The following DLG4 variants were observed in gnomAD, a reference collection of about 807,000 sequenced individuals.
DLG4 encodes disks large homolog 4.
In DLG4, 7 loss-of-function variants were observed where a neutral mutation model predicts 93.8. That is an observed-to-expected ratio of 0.07 (90% confidence interval 0.04 to 0.14). The LOEUF is 0.14. Ranked by LOEUF, DLG4 falls within the 10% of genes least tolerant of loss-of-function variation. The pLI is 1.00. For missense variants in DLG4, 545 were observed against 992.9 expected (o/e 0.55, Z 6.06); for synonymous variants, 341 against 387.6 (o/e 0.88, Z 1.41).
chr17:7,219,534 G>T (rs899922240), upstream of DLG4: 34 of 1,078,266 alleles, frequency 3.2e-5, no homozygotes, highest in Non-Finnish European at 3.7e-5. Context: ...GGCCGAGATA[G>T]ATTTCATCAG....
upstream of DLG4, chr17:7,219,270 T>C: frequency 2.0e-6 from 1 of 508,564 alleles, no homozygotes; most frequent in South Asian, 4.9e-5. Context: ...GCAGTTCCTC[T>C]CAGGCCCGGG....
At position 7,193,267 on chromosome 17, in the gene DLG4, C is replaced by A; in HGVS notation, c.1694-150G>T. On this transcript the variant is annotated intron_variant, in intron 16 of 19. Coordinates refer to ENST00000399506, the MANE Select transcript of DLG4 (RefSeq NM_001321075.3). The surrounding 1 kb of genome is among the most constrained non-coding windows in gnomAD (Gnocchi z 6.7). ...GACCAAGACTGCAGAGGGCCAGAACCGCTTCCCCTAGCACCCTCCAGGGCC... is the reference window on the plus strand; with the variant it reads ...GACCAAGACTGCAGAGGGCCAGAACAGCTTCCCCTAGCACCCTCCAGGGCC... 2 of 1,254,902 alleles carry A rather than the reference C, an allele frequency of 1.6e-6. No individual in the cohort carries two copies. 77.7% of individuals were successfully genotyped at this position (1,254,902 alleles called of 1,614,324 possible). A position where few individuals can be genotyped will look rare whatever the true frequency, so the allele number is the denominator to read the frequency against.
In DLG4 at chr17:7,193,701, C is replaced by G. The variant is rs552755160; in HGVS notation, c.1557G>C (p.Ser519=). 3 of 1,572,802 alleles carry G rather than the reference C, an allele frequency of 1.9e-6. No individual in the cohort carries two copies. The African/African-American group carries it at 4.1e-5, about 21-fold the overall frequency. ...GCGTCACTGTCTCGTAGCTCAGAAC[C>G]GAGTCTTCTCGACCTGGTGGGAGGT... ...SSSGSQGRED[S]VLSYETVTQM... Residue 519 remains serine (S), a synonymous_variant, in exon 15 of 20, where the codon TCG becomes TCC. Coordinates refer to ENST00000399506, the MANE Select transcript of DLG4 (RefSeq NM_001321075.3). The surrounding 1 kb of genome is among the most constrained non-coding windows in gnomAD (Gnocchi z 6.7).
In DLG4 at chr17:7,191,135, C is replaced by G; in HGVS notation, c.2068+132G>C. On this transcript the variant is annotated intron_variant, in intron 19 of 19. Transcript: ENST00000399506. This position sits in a 1 kb window ranked among gnomAD's most constrained non-coding sequence, Gnocchi z 6.6. ...CAGGTGCCCGCCAGTGCTGGGATTACAGGCGTGAGCCACCATGCCGCGCCC... is the reference window on the plus strand; with the variant it reads ...CAGGTGCCCGCCAGTGCTGGGATTAGAGGCGTGAGCCACCATGCCGCGCCC... 1 of 791,806 alleles carries G rather than the reference C, an allele frequency of 1.3e-6. No individual in the cohort carries two copies. 49.0% of individuals were successfully genotyped at this position (791,806 alleles called of 1,614,324 possible). A position where few individuals can be genotyped will look rare whatever the true frequency, so the allele number is the denominator to read the frequency against.
rs558528108 is a variant in DLG4, at chr17:7,189,758, G to C, written c.*950C>G. On this transcript the variant is annotated 3_prime_UTR_variant, in exon 20 of 20. Coordinates refer to ENST00000399506, the MANE Select transcript of DLG4 (RefSeq NM_001321075.3). ...CAGTCTTCACCAACTCGGGTTCCTT[G>C]ATTTGCCAGTTACCTCCCTGGCCCA... The C allele has an allele frequency of 5.2e-5, 8 of 152,470 alleles. No homozygotes were observed. Among genetic ancestry groups the C allele is most frequent in the South Asian group, 4.2e-4 (2 of 4,810 alleles). 9.4% of individuals were successfully genotyped at this position (152,470 alleles called of 1,614,324 possible). A position where few individuals can be genotyped will look rare whatever the true frequency, so the allele number is the denominator to read the frequency against.
At chr17:7,216,625 C>A (rs554373187) in intron 1 of DLG4, among the ~76,000 whole-genome samples, 1 of 152,272 alleles carries the variant, frequency 6.6e-6, no homozygotes, top group Admixed American at 6.5e-5. Context: ...AAGGCCCACC[C>A]CTTCCCTGCC....
rs2069642637 is a variant in DLG4 at position 7,194,067 on chromosome 17, G to A, written c.1479-67C>T. 5 of 1,578,166 alleles carry A rather than the reference G, an allele frequency of 3.2e-6. No individual in the cohort carries two copies. ...ACCCCCTGCCACCCCCATGCTCTGAGCCAGCTGACAACCCCTTCTCCATAC... is the reference window on the plus strand; with the variant it reads ...ACCCCCTGCCACCCCCATGCTCTGAACCAGCTGACAACCCCTTCTCCATAC... On this transcript the variant is annotated intron_variant, in intron 12 of 19. Transcript: ENST00000399506. This position sits in a 1 kb window ranked among gnomAD's most constrained non-coding sequence, Gnocchi z 4.4.
At position 7,190,712 on chromosome 17, in the gene DLG4, A is replaced by C; in HGVS notation, c.2171T>G (p.Leu724Arg). The C allele has an allele frequency of 6.2e-7, 1 of 1,613,372 alleles. No homozygotes were observed. ...PYIWVPARERL is the reference protein window; with the variant it reads ...PYIWVPARERR Reference sequence around the variant, plus strand: ...CAGGCCAAGCCAGGGCAGGAATCAGAGTCTCTCTCGGGCTGGAACCCAGAT... The same window carrying C: ...CAGGCCAAGCCAGGGCAGGAATCAGCGTCTCTCTCGGGCTGGAACCCAGAT... Residue 724 changes from leucine (L) to arginine (R), a missense_variant, in exon 20 of 20, where the codon CTC becomes CGC. Physicochemically the swap from Leu to Arg is moderately radical, Grantham distance 102. Coordinates refer to ENST00000399506, the MANE Select transcript of DLG4 (RefSeq NM_001321075.3).
intron 2 of DLG4, among the ~76,000 whole-genome samples, chr17:7,207,309 A>T (rs936966149): frequency 6.6e-6 from 1 of 151,770 alleles, no homozygotes; most frequent in Non-Finnish European, 1.5e-5. Flanking sequence ...AGGGAGAGGG[A>T]GAGGAGAATG....
chr17:7,191,154 C>T lies in DLG4; in HGVS notation c.2068+113G>A, dbSNP rs574163053. 4.9e-5 allele frequency: 48 copies of T among 974,216 alleles called. No homozygotes were observed. Among genetic ancestry groups the T allele is most frequent in the African/African-American group, 4.2e-4 (26 of 62,360 alleles). The allele number at this position is 974,216 out of a possible 1,614,324, so 60.3% of individuals were successfully genotyped here. On this transcript the variant is annotated intron_variant, in intron 19 of 19. Transcript: ENST00000399506. This position sits in a 1 kb window ranked among gnomAD's most constrained non-coding sequence, Gnocchi z 6.6. ...GGATTACAGGCGTGAGCCACCATGC[C>T]GCGCCCACAGGGGCACCTCTTTCTA... is the stretch of plus-strand genomic sequence containing the variant.
In DLG4 at chr17:7,193,632, C is replaced by G. The variant is rs2069617375; in HGVS notation, c.1591+35G>C. On this transcript the variant is annotated intron_variant, in intron 15 of 19. Transcript: ENST00000399506. The surrounding 1 kb of genome is among the most constrained non-coding windows in gnomAD (Gnocchi z 6.7). ...GCCGAGCGCAGGGTTGGGGGAGCAGCAAGTGCTGGGGCCAAGGCAGGGGCC... is the reference window on the plus strand; with the variant it reads ...GCCGAGCGCAGGGTTGGGGGAGCAGGAAGTGCTGGGGCCAAGGCAGGGGCC... 3.3e-6 allele frequency: 5 copies of G among 1,530,740 alleles called. No homozygotes were observed. The highest frequency in any genetic ancestry group is 4.4e-6 in the Non-Finnish European group (5 of 1,141,344). 94.8% of individuals were successfully genotyped at this position (1,530,740 alleles called of 1,614,324 possible). A position where few individuals can be genotyped will look rare whatever the true frequency, so the allele number is the denominator to read the frequency against.
chr17:7,193,005 G>T lies in DLG4; in HGVS notation c.1806C>A (p.Gly602=). ...DIQAHKFIEA[G]QYNSHLYGTS... ...TCCCATAGAGGTGGCTGTTGTACTG[G>T]CCGGCCTCAATGAACTTGTGCGCCT... Residue 602 remains glycine, a synonymous_variant, in exon 17 of 20, where the codon GGC becomes GGA. Coordinates refer to ENST00000399506, the MANE Select transcript of DLG4 (RefSeq NM_001321075.3). The surrounding 1 kb of genome is among the most constrained non-coding windows in gnomAD (Gnocchi z 6.7). 4 of 1,613,760 alleles carry T rather than the reference G, an allele frequency of 2.5e-6. No individual in the cohort carries two copies. The highest frequency in any genetic ancestry group is 3.4e-6 in the Non-Finnish European group (4 of 1,179,784).
chr17:7,217,684 C>T (rs750089251), upstream of DLG4: 30 of 1,521,486 alleles, frequency 2.0e-5, no homozygotes, highest in South Asian at 3.3e-4. Flanking sequence ...GGGGGGGTGC[C>T]TTGGCAGAGT....
chr17:7,218,681 C>G, upstream of DLG4: 1 of 1,545,686 alleles, frequency 6.5e-7, no homozygotes, highest in Non-Finnish European at 8.8e-7. Flanking sequence ...AAGATGCCAA[C>G]ACAGGAAGAT....
Position 7,196,597 on chromosome 17 carries a change from G to A in DLG4, c.1084-22C>T, listed in dbSNP as rs753426729. 3.1e-6 allele frequency: 5 copies of A among 1,612,802 alleles called. No individual in the cohort carries two copies. The East Asian group carries it at 8.9e-5, about 29-fold the overall frequency. On this transcript the variant is annotated intron_variant, in intron 9 of 19. Transcript: ENST00000399506. The surrounding 1 kb of genome is among the most constrained non-coding windows in gnomAD (Gnocchi z 8.3). ...TGACCTAGAGAGAGGACGACAGGCT[G>A]TGTCACCAGAGACAGGAGGCAGCAC...
chr17:7,192,221 G>A, intron 17 of DLG4: 1 of 436,356 alleles, frequency 2.3e-6, no homozygotes, highest in Non-Finnish European at 4.0e-6. Flanking sequence ...GGAGAGCACG[G>A]GAGAGGGCAG....
Position 7,193,910 on chromosome 17 carries a change from T to C in DLG4, c.1516-39A>G. 6.2e-7 allele frequency: 1 copy of C among 1,612,908 alleles called. No homozygotes were observed. Among genetic ancestry groups the C allele is most frequent in the Non-Finnish European group, 8.5e-7 (1 of 1,179,380 alleles). On this transcript the variant is annotated intron_variant, in intron 13 of 19. Transcript: ENST00000399506. This position sits in a 1 kb window ranked among gnomAD's most constrained non-coding sequence, Gnocchi z 6.7. ...GCAGGCCACGGGGTTAGTTATGAGCTCAGCTCCATGAGCCCTCACACTTCC... is the reference window on the plus strand; with the variant it reads ...GCAGGCCACGGGGTTAGTTATGAGCCCAGCTCCATGAGCCCTCACACTTCC...
chr17:7,212,343 CTTG>C (rs2070745196), intron 1 of DLG4, among the ~76,000 whole-genome samples: 1 of 152,238 alleles, frequency 6.6e-6, no homozygotes, highest in Non-Finnish European at 1.5e-5. Context: ...ACCACAGAGC[CTTG>C]TTGGCCCCCC....
At position 7,191,481 on chromosome 17, in the gene DLG4, T is replaced by A; in HGVS notation, c.1977-123A>T. On this transcript the variant is annotated intron_variant, in intron 18 of 19. Transcript: ENST00000399506. The surrounding 1 kb of genome is among the most constrained non-coding windows in gnomAD (Gnocchi z 6.6). Reference sequence around the variant, plus strand: ...GCACATAGCAAAAAAAAAAATACAATTCCCAATATCCTCTGGGGCCACAGA... The same window carrying A: ...GCACATAGCAAAAAAAAAAATACAAATCCCAATATCCTCTGGGGCCACAGA... 1.2e-6 allele frequency: 1 copy of A among 801,832 alleles called. No homozygotes were observed. The highest frequency in any genetic ancestry group is 2.0e-6 in the Non-Finnish European group (1 of 489,748). The allele number at this position is 801,832 out of a possible 1,614,324, so 49.7% of individuals were successfully genotyped here.
Sources: gnomAD v4.1 joint callset for allele counts (sites outside exome capture counted in the v4.1 genomes callset) on GRCh38, gnomAD v4.1.1 for gene constraint, Gnocchi (gnomAD v3.1) non-coding constraint, MANE v1.5 for transcripts, NCBI Gene and HGNC (gene_info 2026-07-23, HGNC 2026-07-21) for gene names.